The following EEPD1 variants were observed in gnomAD, a reference collection of about 807,000 sequenced individuals.
EEPD1 encodes the protein endonuclease/exonuclease/phosphatase family domain-containing protein 1.
EEPD1 carries 17 observed loss-of-function variants against 46.3 expected under a neutral mutation model. The observed-to-expected ratio is 0.37, with a 90% confidence interval of 0.25 to 0.55. The LOEUF is 0.55. Among genes scored for constraint, EEPD1 ranks in the 20% least tolerant of loss-of-function variants. EEPD1 has a pLI of 0.83. For missense variants in EEPD1, 673 were observed against 745.6 expected, an observed-to-expected ratio of 0.90 and a Z score of 1.13; for synonymous variants, 313 against 315.6, an observed-to-expected ratio of 0.99 and a Z score of 0.09.
At chr7:36,258,741 G>A (rs891888800) in intron 3 of EEPD1, among the ~76,000 whole-genome samples, 1 of 152,156 alleles carries the variant, frequency 6.6e-6, no homozygotes, top group Non-Finnish European at 1.5e-5. Context: ...CAAGCCAGTG[G>A]ATCTTAGCCT....
At chr7:36,242,900 G>C (rs1266171175) in intron 3 of EEPD1, among the ~76,000 whole-genome samples, 1 of 151,974 alleles carries the variant, frequency 6.6e-6, no homozygotes, top group East Asian at 1.9e-4. Flanking sequence ...CTGCACTCCA[G>C]CCTGGGCAAC....
chr7:36,275,597 C>T (rs1227458862), intron 3 of EEPD1, among the ~76,000 whole-genome samples: 1 of 152,056 alleles, frequency 6.6e-6, no homozygotes, highest in East Asian at 1.9e-4. Flanking sequence ...CAGGCACGCG[C>T]CACCACGCCT....
intron 3 of EEPD1, among the ~76,000 whole-genome samples, chr7:36,279,555 C>T (rs1787230657): frequency 6.6e-6 from 1 of 152,208 alleles, no homozygotes; most frequent in South Asian, 2.1e-4. Flanking sequence ...TGTATGTGGG[C>T]TGCCCAGGGG....
chr7:36,298,895 C>T (rs565406596), intron 7 of EEPD1, 112 bp from the exon 8 acceptor site: 106 of 1,284,276 alleles, frequency 8.3e-5, no homozygotes, highest in East Asian at 2.3e-4. Flanking sequence ...GCAGCCTCTC[C>T]GGGCACCCCG....
chr7:36,183,700 G>A (rs905298039), intron 2 of EEPD1, among the ~76,000 whole-genome samples: 11 of 151,830 alleles, frequency 7.2e-5, no homozygotes, highest in East Asian at 1.9e-4. Context: ...TATTTTTGGA[G>A]ATGGTGTCTT....
At chr7:36,209,936 C>G (rs1359275791) in intron 2 of EEPD1, among the ~76,000 whole-genome samples, 1 of 152,096 alleles carries the variant, frequency 6.6e-6, no homozygotes, top group African/African-American at 2.4e-5. Context: ...GCACCTCGTG[C>G]TGGTTGGCTG....
rs147585871 is a variant in EEPD1 at position 36,288,038 on chromosome 7, G to C, written c.1315+261G>C. ...GCCTCATTTAGATAGAAAGGATTAG[G>C]GGGGAAGAATATAAGTGATGATGCC... is the stretch of plus-strand genomic sequence containing the variant. On this transcript the variant is annotated intron_variant, in intron 6 of 7. Coordinates refer to ENST00000242108, the MANE Select transcript of EEPD1 (RefSeq NM_030636.3). 3.6e-3 allele frequency among the ~76,000 whole-genome samples: 545 copies of C among 152,278 alleles called. 4 individuals are homozygous for C. Among genetic ancestry groups the C allele is most frequent in the African/African-American group, 0.012 (517 of 41,550 alleles).
Position 36,299,037 on chromosome 7 carries a change from C to T in EEPD1, c.1541C>T (p.Thr514Met), listed in dbSNP as rs1431869098. The T allele has an allele frequency of 3.7e-6, 6 of 1,614,032 alleles. No homozygotes were observed. Among genetic ancestry groups the T allele is most frequent in the Non-Finnish European group, 4.2e-6 (5 of 1,180,036 alleles). ...TGGGCTGTGGTGAGAGAAGGCCTCA[C>T]GAACCCTTGGATTCCGGATAACTGG... The part of the protein sequence containing the change: ...GHWAVVREGL[T>M]NPWIPDNWSW... Residue 514 changes from threonine to methionine, a missense_variant, in exon 8 of 8, where the codon ACG becomes ATG. By Grantham distance (81) the Thr-to-Met change is moderately conservative. Coordinates refer to ENST00000242108, the MANE Select transcript of EEPD1 (RefSeq NM_030636.3).
intron 2 of EEPD1, among the ~76,000 whole-genome samples, chr7:36,226,384 C>T (rs1051474166): frequency 4.1e-4 from 63 of 152,190 alleles, no homozygotes; most frequent in Non-Finnish European, 2.5e-4. Context: ...CAGAAGCGGG[C>T]GTCAGTCTCT....
chr7:36,189,272 G>A (rs79039074), intron 2 of EEPD1, among the ~76,000 whole-genome samples: 8,515 of 152,300 alleles, frequency 0.056, 298 homozygotes, highest in South Asian at 0.13. Context: ...CAGAAGTTTC[G>A]AGAGGAGTGT....
At chr7:36,253,740 G>A (rs1422028984) in intron 3 of EEPD1, among the ~76,000 whole-genome samples, 1 of 151,902 alleles carries the variant, frequency 6.6e-6, no homozygotes, top group Admixed American at 6.6e-5. Context: ...TTTTTCTTAT[G>A]TTGTCAATTC....
chr7:36,281,841 T>C (rs1787266998), intron 4 of EEPD1, among the ~76,000 whole-genome samples: 1 of 152,230 alleles, frequency 6.6e-6, no homozygotes, highest in African/African-American at 2.4e-5. Context: ...CTCCTGATAA[T>C]AACCAGGAGT....
intron 2 of EEPD1, among the ~76,000 whole-genome samples, chr7:36,183,875 G>GTTTTTT (rs35033256): frequency 3.3e-4 from 17 of 51,846 alleles, no homozygotes; most frequent in Non-Finnish European, 8.3e-4. Context: ...CCTAGCCCTC[G>GTTTTTT]TTTTTTTTTT....
intron 3 of EEPD1, among the ~76,000 whole-genome samples, chr7:36,261,506 C>T (rs891477541): frequency 2.0e-5 from 3 of 152,230 alleles, no homozygotes; most frequent in Non-Finnish European, 2.9e-5. Context: ...ACAGGAGTTA[C>T]ATGCAATTTC....
intron 2 of EEPD1, among the ~76,000 whole-genome samples, chr7:36,207,318 G>C (rs1399287886): frequency 2.6e-5 from 4 of 152,182 alleles, no homozygotes; most frequent in Non-Finnish European, 5.9e-5. Context: ...TTCTTCAAAG[G>C]AGGGATATTT....
chr7:36,162,936 C>A (rs1465283873), intron 2 of EEPD1, among the ~76,000 whole-genome samples: 1 of 152,182 alleles, frequency 6.6e-6, no homozygotes, highest in East Asian at 1.9e-4. Context: ...CTTGTTTGCT[C>A]ACCCCAAAAC....
intron 2 of EEPD1, among the ~76,000 whole-genome samples, chr7:36,197,213 C>T (rs1462522595): frequency 2.6e-5 from 4 of 151,072 alleles, no homozygotes; most frequent in African/African-American, 9.7e-5. Flanking sequence ...CGTCTCCGCC[C>T]GGCAGCCACC....
At chr7:36,252,342 C>T (rs764409356) in intron 3 of EEPD1, among the ~76,000 whole-genome samples, 8 of 152,074 alleles carry the variant, frequency 5.3e-5, no homozygotes, top group Admixed American at 6.6e-5. Context: ...AATCATGCCC[C>T]GCCCCCCTCC....
chr7:36,248,072 C>T (rs572494531), intron 3 of EEPD1, among the ~76,000 whole-genome samples: 2 of 152,172 alleles, frequency 1.3e-5, no homozygotes, highest in East Asian at 3.9e-4. Flanking sequence ...AGACCATCCA[C>T]CTAGCAGGTT....
Sources: allele counts gnomAD v4.1 joint callset (sites outside exome capture counted in the v4.1 genomes callset), GRCh38; gene constraint gnomAD v4.1.1; transcripts MANE v1.5; gene names NCBI Gene and HGNC (gene_info 2026-07-23, HGNC 2026-07-21).